GTF3C1: variants seen among roughly 807,000 people sequenced by gnomAD.
The protein encoded by GTF3C1 is general transcription factor 3C polypeptide 1.
GTF3C1 carries 57 observed loss-of-function variants against 226.7 expected under a neutral mutation model. That is an observed-to-expected ratio of 0.25 (90% CI 0.20 to 0.31). GTF3C1 has a LOEUF of 0.31. GTF3C1 is among the 10% of genes least tolerant of loss of function. The pLI, the probability that GTF3C1 is intolerant of heterozygous loss-of-function variation, is 1.00. For synonymous variants in GTF3C1, 1,090 were observed against 1,084.8 expected (o/e 1.00, Z -0.09); for missense variants, 2,217 against 2,776.1 (o/e 0.80, Z 4.53).
chr16:27,491,735 G>A (rs1310274697), intron 19 of GTF3C1, among the ~76,000 whole-genome samples: 1 of 75,898 alleles, frequency 1.3e-5, no homozygotes, highest in East Asian at 2.7e-4. Flanking sequence ...ACCAGTGGAC[G>A]GCCACTCTCC....
In GTF3C1 at chr16:27,511,959, G is replaced by A. The variant is rs1229635026; in HGVS notation, c.974-58C>T. On this transcript the variant is annotated intron_variant, in intron 6 of 36. Coordinates refer to ENST00000356183, the MANE Select transcript of GTF3C1 (RefSeq NM_001520.4). The stretch of plus-strand genomic sequence containing the variant: ...AGTGAAAGCAGTGCTGCGTGGGGGA[G>A]GTGAGGGGTTCTGAAATATCACAGC... The A allele has an allele frequency of 6.6e-5, 105 of 1,586,378 alleles. 1 individual carries two copies. In the South Asian group the frequency reaches 1.1e-3, roughly 16 times the overall value.
chr16:27,483,758 A>C (rs2088092708), intron 25 of GTF3C1, among the ~76,000 whole-genome samples: 1 of 152,200 alleles, frequency 6.6e-6, no homozygotes. Flanking sequence ...CAGCTCTGCT[A>C]AGAACATGGC....
At chr16:27,495,575 C>T in intron 14 of GTF3C1, 83 bp from the exon 15 acceptor site, 1 of 1,291,604 alleles carries the variant, frequency 7.7e-7, no homozygotes, top group Non-Finnish European at 1.1e-6. Flanking sequence ...GATTGAGTGC[C>T]ACTATGTGCC....
rs144108953 is a variant in GTF3C1, at chr16:27,464,008, G to A, written c.5872+312C>T. On this transcript the variant is annotated intron_variant, in intron 34 of 36. Coordinates refer to ENST00000356183, the MANE Select transcript of GTF3C1 (RefSeq NM_001520.4). ...AGGAAAGGGCGTGCTGCCACCCGAG[G>A]AAGTTGAGACCCCCATGCCATCACT... The A allele has an allele frequency of 4.9e-4, 210 of 429,158 alleles. 1 individual carries two copies. The highest frequency in any genetic ancestry group is 4.1e-3 in the African/African-American group (198 of 48,562). 26.6% of individuals were successfully genotyped at this position (429,158 alleles called of 1,614,324 possible).
intron 7 of GTF3C1, among the ~76,000 whole-genome samples, chr16:27,511,493 T>C (rs559298528): frequency 6.6e-6 from 1 of 152,334 alleles, no homozygotes; most frequent in East Asian, 1.9e-4. Flanking sequence ...TCTGTGTCTC[T>C]GGAGAACTCT....
Position 27,461,608 on chromosome 16 carries a change from G to C in GTF3C1, c.6118-46C>G. ...GGTTACAGCGGCACTGCCCTCGCCT[G>C]CTTGTTGATTTATTCTTCAAGCATT... On this transcript the variant is annotated intron_variant, in intron 36 of 36. Transcript: ENST00000356183. The surrounding 1 kb of genome is among the most constrained non-coding windows in gnomAD (Gnocchi z 5.3). 2 of 1,387,768 alleles carry C rather than the reference G, an allele frequency of 1.4e-6. No individual in the cohort carries two copies. Among genetic ancestry groups the C allele is most frequent in the African/African-American group, 1.4e-5 (1 of 70,694 alleles). 86.0% of individuals were successfully genotyped at this position (1,387,768 alleles called of 1,614,324 possible). A position where few individuals can be genotyped will look rare whatever the true frequency, so the allele number is the denominator to read the frequency against.
In GTF3C1 at chr16:27,501,191, C is replaced by T; in HGVS notation, c.2061G>A (p.Lys687=). The T allele has an allele frequency of 1.9e-6, 3 of 1,610,982 alleles. No homozygotes were observed. The highest frequency in any genetic ancestry group is 2.5e-6 in the Non-Finnish European group (3 of 1,177,400). Reference sequence around the variant, plus strand: ...GGGCATCGGGGGAGGCCCTGGTTACCTTCTTCTTGATGCCATCTTGAATGA... The same window carrying T: ...GGGCATCGGGGGAGGCCCTGGTTACTTTCTTCTTGATGCCATCTTGAATGA... ...TTVIQDGIKK[K]VDLVVHPSMD... is the part of the protein sequence containing the mutation. The change falls in exon 12 of 37, where the codon AAG becomes AAA. Residue 687 remains lysine, a splice_region_variant and synonymous_variant. Coordinates refer to ENST00000356183, the MANE Select transcript of GTF3C1 (RefSeq NM_001520.4).
chr16:27,513,886 C>A (rs947692203), intron 6 of GTF3C1, among the ~76,000 whole-genome samples: 1 of 152,126 alleles, frequency 6.6e-6, no homozygotes, highest in Non-Finnish European at 1.5e-5. Context: ...GAACCCTGCC[C>A]GTGAAGTGTG....
chr16:27,483,231 A>T, intron 25 of GTF3C1, 106 bp from the exon 26 acceptor site: 1 of 1,054,346 alleles, frequency 9.5e-7, no homozygotes, highest in Non-Finnish European at 1.4e-6. Context: ...GCCGACCTTG[A>T]AGCATGAGTT....
At chr16:27,467,663 A>C (rs1445616218) in intron 32 of GTF3C1, among the ~76,000 whole-genome samples, 1 of 152,150 alleles carries the variant, frequency 6.6e-6, no homozygotes, top group Non-Finnish European at 1.5e-5. Flanking sequence ...TGAGGGCAGG[A>C]GTTCAAGACC....
At position 27,471,979 on chromosome 16, in the gene GTF3C1, G is replaced by C. The variant is rs2087878214; in HGVS notation, c.4354-59C>G. ...CTCCAGCCGGCCACGGAGAGGGCTGGGGTATGTGGAGGCAGAGGCTGCGGC... is the reference window on the plus strand; with the variant it reads ...CTCCAGCCGGCCACGGAGAGGGCTGCGGTATGTGGAGGCAGAGGCTGCGGC... On this transcript the variant is annotated intron_variant, in intron 29 of 36. Coordinates refer to ENST00000356183, the MANE Select transcript of GTF3C1 (RefSeq NM_001520.4). This position sits in a 1 kb window ranked among gnomAD's most constrained non-coding sequence, Gnocchi z 5.0. The C allele has an allele frequency of 6.6e-7, 1 of 1,506,174 alleles. No homozygotes were observed. Among genetic ancestry groups the C allele is most frequent in the African/African-American group, 1.4e-5 (1 of 72,774 alleles). 93.3% of individuals were successfully genotyped at this position (1,506,174 alleles called of 1,614,324 possible).
At chr16:27,479,140 T>C (rs2088000091) in intron 27 of GTF3C1, among the ~76,000 whole-genome samples, 1 of 152,220 alleles carries the variant, frequency 6.6e-6, no homozygotes, top group South Asian at 2.1e-4. Context: ...AAGAAGTTGG[T>C]GAGGCGACAG....
In GTF3C1 at chr16:27,461,441, A is replaced by G. The variant is rs1270918618; in HGVS notation, c.6239T>C (p.Met2080Thr). Residue 2080 changes from methionine to threonine, a missense_variant, in exon 37 of 37, where the codon ATG becomes ACG. By Grantham distance (81) the Met-to-Thr change is moderately conservative. Around this residue, in one of 12 missense-constraint regions of GTF3C1, gnomAD observed 153 missense variants for 199.8 expected, o/e 0.77. Coordinates refer to ENST00000356183, the MANE Select transcript of GTF3C1 (RefSeq NM_001520.4). The surrounding 1 kb of genome is among the most constrained non-coding windows in gnomAD (Gnocchi z 5.3). ...EVPSSLDESPMAFYEPTLDCT... is the reference protein window; with the variant it reads ...EVPSSLDESPTAFYEPTLDCT... ...GTCCAAGGTGGGCTCATAGAAAGCCATGGGGCTCTCGTCCAGGCTGGAGGG... is the reference window on the plus strand; with the variant it reads ...GTCCAAGGTGGGCTCATAGAAAGCCGTGGGGCTCTCGTCCAGGCTGGAGGG... The G allele has an allele frequency of 6.2e-7, 1 of 1,613,930 alleles. No individual in the cohort carries two copies. Among genetic ancestry groups the G allele is most frequent in the Admixed American group, 1.7e-5 (1 of 60,030 alleles).
chr16:27,532,140 T>C (rs905035651), intron 5 of GTF3C1, among the ~76,000 whole-genome samples: 1 of 152,222 alleles, frequency 6.6e-6, no homozygotes, highest in Non-Finnish European at 1.5e-5. Flanking sequence ...TAGATTTTTA[T>C]GGAAAGTCTC....
intron 29 of GTF3C1, among the ~76,000 whole-genome samples, chr16:27,473,049 G>T (rs965527691): frequency 6.6e-6 from 1 of 152,152 alleles, no homozygotes. Context: ...CTGGGTAGCC[G>T]GGACTACAGG....
Position 27,461,270 on chromosome 16 carries a change from G to T in GTF3C1, c.*80C>A. ...GAGGCTCGGCAGACCCAAGGCCAGG[G>T]CACAGTGGGGTCTGCCGAGCACCAG... On this transcript the variant is annotated 3_prime_UTR_variant, in exon 37 of 37. Coordinates refer to ENST00000356183, the MANE Select transcript of GTF3C1 (RefSeq NM_001520.4). This position sits in a 1 kb window ranked among gnomAD's most constrained non-coding sequence, Gnocchi z 5.3. 1.1e-6 allele frequency: 1 copy of T among 889,758 alleles called. No individual in the cohort carries two copies. The highest frequency in any genetic ancestry group is 1.8e-6 in the Non-Finnish European group (1 of 571,412). The allele number at this position is 889,758 out of a possible 1,614,324, so 55.1% of individuals were successfully genotyped here. A position where few individuals can be genotyped will look rare whatever the true frequency, so the allele number is the denominator to read the frequency against.
chr16:27,490,807 A>G (rs1396320550), intron 19 of GTF3C1, among the ~76,000 whole-genome samples: 1 of 152,192 alleles, frequency 6.6e-6, no homozygotes, highest in African/African-American at 2.4e-5. Context: ...GCATCTCATT[A>G]TATGACGCTT....
intron 32 of GTF3C1, among the ~76,000 whole-genome samples, chr16:27,466,685 T>A (rs989111430): frequency 6.6e-6 from 1 of 152,186 alleles, no homozygotes; most frequent in African/African-American, 2.4e-5. Context: ...TGTGCCAAAG[T>A]TAGTCAAAGT....
chr16:27,461,324 G>A lies in GTF3C1; in HGVS notation c.*26C>T. 1 of 1,476,416 alleles carries A rather than the reference G, an allele frequency of 6.8e-7. No homozygotes were observed. The highest frequency in any genetic ancestry group is 9.4e-7 in the Non-Finnish European group (1 of 1,064,022). 91.5% of individuals were successfully genotyped at this position (1,476,416 alleles called of 1,614,324 possible). A position where few individuals can be genotyped will look rare whatever the true frequency, so the allele number is the denominator to read the frequency against. On this transcript the variant is annotated 3_prime_UTR_variant, in exon 37 of 37. Transcript: ENST00000356183. This position sits in a 1 kb window ranked among gnomAD's most constrained non-coding sequence, Gnocchi z 5.3. ...GGAGTGGTGTGGCAGGCGGTGGCTG[G>A]GAGGGAGGGGACGCCCACAGGGGTC...
Sources: gnomAD v4.1 joint callset for allele counts (sites outside exome capture counted in the v4.1 genomes callset) on GRCh38, gnomAD v4.1.1 for gene constraint, gnomAD v4.1.1 regional missense constraint, Gnocchi (gnomAD v3.1) non-coding constraint, MANE v1.5 for transcripts, NCBI Gene and HGNC (gene_info 2026-07-23, HGNC 2026-07-21) for gene names.